Variants in CRB2 observed in about 807,000 individuals in gnomAD.
CRB2 encodes crumbs cell polarity complex component 2, also known as protein crumbs homolog 2.
Under a neutral mutation model 110.9 loss-of-function variants are expected in CRB2, and 85 were observed. The observed-to-expected ratio is 0.77, with a 90% CI of 0.64 to 0.92. CRB2 has a LOEUF of 0.92. Ranked by LOEUF, CRB2 falls within the 40% of genes least tolerant of loss-of-function variation. The probability of loss-of-function intolerance (pLI) is 0.00; values close to 1 mark genes in which losing one functional copy is unlikely to be tolerated. For missense variants in CRB2, 1,843 were observed against 1,851.3 expected (o/e 1.00, Z 0.08); for synonymous variants, 907 against 831.0 (o/e 1.09, Z -1.57).
In CRB2 at chr9:123,371,393, C is replaced by T; in HGVS notation, c.2251C>T (p.Leu751Phe). The change falls in exon 8 of 13, where the codon CTC (leucine) becomes TTC (phenylalanine). Residue 751 changes from leucine to phenylalanine, a missense_variant. Transcript: ENST00000373631. Reference protein sequence around the residue: ...LGQHVHVGGRLLAADSQPWGG... With the variant: ...LGQHVHVGGRFLAADSQPWGG... ...GCAGCACGTGCACGTGGGTGGGAGGCTCCTTGCTGCCGACAGCCAGCCCTG... is the reference window on the plus strand; with the variant it reads ...GCAGCACGTGCACGTGGGTGGGAGGTTCCTTGCTGCCGACAGCCAGCCCTG... 1.2e-6 allele frequency: 2 copies of T among 1,608,042 alleles called. No individual in the cohort carries two copies. Among genetic ancestry groups the T allele is most frequent in the African/African-American group, 1.3e-5 (1 of 74,992 alleles).
In CRB2 at chr9:123,356,277, C is replaced by G; in HGVS notation, c.17C>G (p.Pro6Arg). MALAR[P>R]GTPDPQALAS... ...CGGGCTGCCATGGCGCTGGCCAGGC[C>G]TGGGACCCCGGACCCCCAGGCCCTG... is the stretch of plus-strand genomic sequence containing the variant. The change falls in exon 1 of 13, where the codon CCT becomes CGT. Residue 6 changes from proline to arginine, a missense_variant. Transcript: ENST00000373631. The G allele has an allele frequency of 6.5e-7, 1 of 1,536,404 alleles. No homozygotes were observed. Among genetic ancestry groups the G allele is most frequent in the South Asian group, 1.2e-5 (1 of 83,180 alleles).
rs1384753834 is a variant in CRB2, at chr9:123,373,386, C to T, written c.2855C>T (p.Ala952Val). ...CTGCCCATACCGGGGCCGCGCGTGG[C>T]CGATGGTGCCTGGCACCGCGTGCGT... ...AVLPIPGPRV[A>V]DGAWHRVRLA... Residue 952 changes from alanine (A) to valine (V), a missense_variant, in exon 10 of 13, where the codon GCC becomes GTC. Physicochemically the swap from Ala to Val is moderately conservative, Grantham distance 64. Coordinates refer to ENST00000373631, the MANE Select transcript of CRB2 (RefSeq NM_173689.7). 3 of 1,434,652 alleles carry T rather than the reference C, an allele frequency of 2.1e-6. No individual in the cohort carries two copies. Among genetic ancestry groups the T allele is most frequent in the Non-Finnish European group, 2.7e-6 (3 of 1,100,564 alleles). 88.9% of individuals were successfully genotyped at this position (1,434,652 alleles called of 1,614,324 possible).
At chr9:123,354,934 C>A (rs1432191213), upstream of CRB2, among the ~76,000 whole-genome samples, 1 of 152,326 alleles carries the variant, frequency 6.6e-6, no homozygotes, top group East Asian at 1.9e-4. Context: ...CCCTCTAGCT[C>A]ATCTGGACCT....
chr9:123,370,710 C>A lies in CRB2; in HGVS notation c.1657C>A (p.Leu553Met). Residue 553 changes from leucine to methionine, a missense_variant, in exon 7 of 13, where the codon CTG becomes ATG. Physicochemically the swap from Leu to Met is conservative, Grantham distance 15. Transcript: ENST00000373631. ...RLCVASGPVA[L>M]ASTASATPLP... The stretch of plus-strand genomic sequence containing the variant: ...CTGTGTGGCCTCTGGTCCTGTGGCC[C>A]TGGCTTCCACGGCTTCGGCAACTCC... 1 of 1,604,774 alleles carries A rather than the reference C, an allele frequency of 6.2e-7. No homozygotes were observed.
Position 123,377,169 on chromosome 9 carries a change from C to T in CRB2, c.*107C>T, listed in dbSNP as rs1289553303. On this transcript the variant is annotated 3_prime_UTR_variant, in exon 13 of 13. Transcript: ENST00000373631. ...CGGGACATTGCTACGGAAGTGTCCCCTTGGCTGGCAGCCTCTGCCTCTGCC... is the reference window on the plus strand; with the variant it reads ...CGGGACATTGCTACGGAAGTGTCCCTTTGGCTGGCAGCCTCTGCCTCTGCC... 9.2e-7 allele frequency: 1 copy of T among 1,082,450 alleles called. No homozygotes were observed. Among genetic ancestry groups the T allele is most frequent in the Non-Finnish European group, 1.3e-6 (1 of 771,540 alleles). The allele number at this position is 1,082,450 out of a possible 1,614,324, so 67.1% of individuals were successfully genotyped here.
At chr9:123,369,529 A>G (rs1234094184) in intron 6 of CRB2, among the ~76,000 whole-genome samples, 2 of 152,054 alleles carry the variant, frequency 1.3e-5, no homozygotes, top group Non-Finnish European at 2.9e-5. Context: ...GTAAGGGTGA[A>G]TGAGGCATTC....
intron 1 of CRB2, among the ~76,000 whole-genome samples, chr9:123,358,584 G>A (rs1298915635): frequency 6.6e-6 from 1 of 152,234 alleles, no homozygotes; most frequent in African/African-American, 2.4e-5. Context: ...CTCCATGGCA[G>A]GCACTGTGCT....
Position 123,374,706 on chromosome 9 carries a change from G to C in CRB2, c.3506+11G>C, listed in dbSNP as rs1330079874. 1 of 1,591,246 alleles carries C rather than the reference G, an allele frequency of 6.3e-7. No homozygotes were observed. Among genetic ancestry groups the C allele is most frequent in the South Asian group, 1.1e-5 (1 of 90,602 alleles). ...TCTTGCTGGCCAGAGGTGGGTCTGGGGGCCTGGGAACTGTGAGGAGGTCCA... is the reference window on the plus strand; with the variant it reads ...TCTTGCTGGCCAGAGGTGGGTCTGGCGGCCTGGGAACTGTGAGGAGGTCCA... On this transcript the variant is annotated intron_variant, in intron 11 of 12. Transcript: ENST00000373631.
chr9:123,362,761 G>A, intron 1 of CRB2, 104 bp from the exon 2 acceptor site: 2 of 1,112,154 alleles, frequency 1.8e-6, no homozygotes, highest in African/African-American at 1.6e-5. Flanking sequence ...TGCATGCAGA[G>A]ACCCACGTTG....
At chr9:123,379,576 G>A (rs1204023240), downstream of CRB2, 3 of 152,320 alleles carry the variant, frequency 2.0e-5, no homozygotes, top group Admixed American at 1.3e-4. Context: ...TGCCTCTACA[G>A]GAGCAGGTGG....
chr9:123,356,769 C>T (rs996225965), intron 1 of CRB2, among the ~76,000 whole-genome samples: 5 of 151,792 alleles, frequency 3.3e-5, no homozygotes, highest in East Asian at 3.9e-4. Flanking sequence ...TGTTCTGTGT[C>T]GCATGCTGGG....
In CRB2 at chr9:123,372,332, T is replaced by C; in HGVS notation, c.2592T>C (p.Asp864=). The change falls in exon 9 of 13, where the codon GAT becomes GAC. Residue 864 remains aspartate, a synonymous_variant. Coordinates refer to ENST00000373631, the MANE Select transcript of CRB2 (RefSeq NM_173689.7). ...CTGCCACGTGTGAGGAGGTCCCTGA[T>C]GGCTTTGTGTGTGAGTGTGTGTCCT... ...LPPATCEEVP[D]GFVCVAEATF... 6.3e-7 allele frequency: 1 copy of C among 1,596,970 alleles called. No individual in the cohort carries two copies. Among genetic ancestry groups the C allele is most frequent in the Non-Finnish European group, 8.5e-7 (1 of 1,171,160 alleles).
chr9:123,367,477 C>A (rs1018919545), intron 5 of CRB2, 96 bp from the exon 6 acceptor site: 2 of 1,211,754 alleles, frequency 1.7e-6, no homozygotes, highest in Non-Finnish European at 2.3e-6. Context: ...TCTGCCCTCT[C>A]TCTTGGACTC....
At chr9:123,362,817 C>T (rs2041883068) in intron 1 of CRB2, 48 bp from the exon 2 acceptor site, 1 of 1,517,554 alleles carries the variant, frequency 6.6e-7, no homozygotes, top group East Asian at 2.3e-5. Context: ...AGGAGATTGT[C>T]CTTGTAACCT....
Position 123,377,277 on chromosome 9 carries a change from C to T in CRB2, c.*215C>T, listed in dbSNP as rs1305959723. ...GAGGCTGCGGACTTCTCCATCCCAC[C>T]CTCGGGGTTCCGCCTTGGCAGGTGT... On this transcript the variant is annotated 3_prime_UTR_variant, in exon 13 of 13. Coordinates refer to ENST00000373631, the MANE Select transcript of CRB2 (RefSeq NM_173689.7). 3 of 563,402 alleles carry T rather than the reference C, an allele frequency of 5.3e-6. No individual in the cohort carries two copies. The highest frequency in any genetic ancestry group is 4.8e-5 in the South Asian group (2 of 41,244). 34.9% of individuals were successfully genotyped at this position (563,402 alleles called of 1,614,324 possible).
intron 9 of CRB2, 104 bp from the exon 10 acceptor site, chr9:123,373,030 C>A: frequency 1.0e-6 from 1 of 995,428 alleles, no homozygotes; most frequent in Non-Finnish European, 1.4e-6. Flanking sequence ...GCGTGTGCCC[C>A]ACCCCAAGTA....
chr9:123,367,236 G>T lies in CRB2; in HGVS notation c.819G>T (p.Gly273=). 3 of 1,597,762 alleles carry T rather than the reference G, an allele frequency of 1.9e-6. No homozygotes were observed. Among genetic ancestry groups the T allele is most frequent in the Non-Finnish European group, 2.5e-6 (3 of 1,177,470 alleles). Residue 273 remains glycine, a synonymous_variant, in exon 5 of 13, where the codon GGG becomes GGT. Transcript: ENST00000373631. ...DECASSPCQH[G]GRCLQRSDPA... The stretch of plus-strand genomic sequence containing the variant: ...GTGCATCGAGCCCCTGCCAGCATGG[G>T]GGCCGATGCCTGCAGCGCTCTGACC...
At chr9:123,365,028 G>A (rs530677398) in intron 2 of CRB2, among the ~76,000 whole-genome samples, 23 of 152,328 alleles carry the variant, frequency 1.5e-4, no homozygotes, top group African/African-American at 5.5e-4. Context: ...TCGGGAGGCT[G>A]AGGTGGGTGG....
At position 123,374,615 on chromosome 9, in the gene CRB2, C is replaced by T. The variant is rs1445085607; in HGVS notation, c.3426C>T (p.Val1142=). 1.9e-6 allele frequency: 3 copies of T among 1,613,392 alleles called. No individual in the cohort carries two copies. The highest frequency in any genetic ancestry group is 1.3e-5 in the African/African-American group (1 of 74,920). Residue 1142 remains valine (V), a synonymous_variant, in exon 11 of 13, where the codon GTC becomes GTT. Transcript: ENST00000373631. ...PVPSKECSLN[V]TCLDGSPCEG... ...CATCCAAGGAGTGCAGCCTGAATGT[C>T]ACCTGCCTCGATGGCAGCCCATGTG...
Sources: allele counts gnomAD v4.1 joint callset (sites outside exome capture counted in the v4.1 genomes callset), GRCh38; gene constraint gnomAD v4.1.1; transcripts MANE v1.5; gene names NCBI Gene and HGNC (gene_info 2026-07-23, HGNC 2026-07-21).